DMBT1: variants seen among roughly 807,000 people sequenced by gnomAD.
The protein encoded by DMBT1 is deleted in malignant brain tumors 1, also known as scavenger receptor cysteine-rich domain-containing protein DMBT1.
Under a neutral mutation model 252.9 loss-of-function variants are expected in DMBT1, and 198 were observed. The ratio of observed to expected loss-of-function variants is 0.78; its 90% confidence interval spans 0.70 to 0.88. DMBT1 has a LOEUF of 0.88. Among genes scored for constraint, DMBT1 ranks in the 40% least tolerant of loss-of-function variants. The pLI is 0.00. For missense variants in DMBT1, 2,432 were observed against 2,404.7 expected (o/e 1.01, Z -0.24); for synonymous variants, 990 against 942.7 (o/e 1.05, Z -0.92).
At chr10:122,620,955 C>T (rs2098061205) in intron 43 of DMBT1, 102 bp from the exon 44 acceptor site, 7 of 1,565,256 alleles carry the variant, frequency 4.5e-6, no homozygotes, top group Non-Finnish European at 6.1e-6. Flanking sequence ...ATTACCTGCA[C>T]ACGTGACTTT....
At chr10:122,592,682 A>G in intron 20 of DMBT1, 87 bp downstream of exon 20, 1 of 1,558,360 alleles carries the variant, frequency 6.4e-7, no homozygotes, top group Non-Finnish European at 8.7e-7. Context: ...CTCCTCACTC[A>G]AAGATTCTTC....
Position 122,643,457 on chromosome 10 carries a change from G to A in DMBT1, c.*59G>A, listed in dbSNP as rs1393811692. 31 of 1,542,540 alleles carry A rather than the reference G, an allele frequency of 2.0e-5. No homozygotes were observed. The South Asian group carries it at 3.5e-4, about 17-fold the overall frequency. ...CGCAGACCCCTGACTCGGGGACTTGGGATGTTCCTCTTGGTGTCATATTCC... is the reference window on the plus strand; with the variant it reads ...CGCAGACCCCTGACTCGGGGACTTGAGATGTTCCTCTTGGTGTCATATTCC... On this transcript the variant is annotated 3_prime_UTR_variant, in exon 56 of 56. Transcript: ENST00000338354.
chr10:122,625,399 G>C (rs529866994), intron 45 of DMBT1, 96 bp downstream of exon 45: 110 of 1,197,204 alleles, frequency 9.2e-5, no homozygotes, highest in Middle Eastern at 3.8e-4. Context: ...ACTCCCCCTG[G>C]GGGGGTAATT....
At position 122,630,941 on chromosome 10, in the gene DMBT1, T is replaced by C. The variant is rs767874700; in HGVS notation, c.6026-20T>C. On this transcript the variant is annotated intron_variant, in intron 48 of 55. Transcript: ENST00000338354. ...TGTTGTGGGACATGGCCATGATCTC[T>C]CAGTTAATGTGTCTTTCAGATGCCA... 3 of 1,576,346 alleles carry C rather than the reference T, an allele frequency of 1.9e-6. No homozygotes were observed. Among genetic ancestry groups the C allele is most frequent in the Non-Finnish European group, 2.6e-6 (3 of 1,156,250 alleles).
intron 15 of DMBT1, among the ~76,000 whole-genome samples, chr10:122,585,823 C>G (rs137864586): frequency 6.7e-6 from 1 of 148,650 alleles, no homozygotes; most frequent in African/African-American, 2.4e-5. Flanking sequence ...ATGGGGTTTC[C>G]GTTCCTGTTA....
intron 46 of DMBT1, among the ~76,000 whole-genome samples, chr10:122,629,432 A>G (rs1048588848): frequency 4.6e-5 from 7 of 152,220 alleles, no homozygotes; most frequent in Non-Finnish European, 2.9e-5. Flanking sequence ...CTCATGGAAG[A>G]CGCTAGGGAA....
chr10:122,562,893 G>T (rs1002083638), intron 1 of DMBT1, among the ~76,000 whole-genome samples: 2 of 152,224 alleles, frequency 1.3e-5, no homozygotes, highest in Non-Finnish European at 2.9e-5. Context: ...GCTCAGAAAG[G>T]TTATTGGCTT....
chr10:122,596,952 G>T (rs1412570889), intron 23 of DMBT1, 73 bp from the exon 24 acceptor site: 49 of 411,182 alleles, frequency 1.2e-4, no homozygotes, highest in Non-Finnish European at 1.9e-4. Context: ...GATCTGTTTA[G>T]TTCCTTCCAC....
At chr10:122,620,086 G>A (rs1169152902) in intron 42 of DMBT1, among the ~76,000 whole-genome samples, 167 bp from the exon 43 acceptor site, 1 of 152,206 alleles carries the variant, frequency 6.6e-6, no homozygotes, top group Non-Finnish European at 1.5e-5. Context: ...CAAGGCCTTT[G>A]TTCCTGGCTG....
intron 45 of DMBT1, 125 bp downstream of exon 45, chr10:122,625,428 T>C: frequency 1.1e-6 from 1 of 935,358 alleles, no homozygotes; most frequent in South Asian, 1.4e-5. Flanking sequence ...AGGACTCTGA[T>C]CTTTGTTAGG....
intron 50 of DMBT1, among the ~76,000 whole-genome samples, chr10:122,632,248 C>T (rs1197021679): frequency 2.0e-5 from 3 of 151,934 alleles, no homozygotes; most frequent in African/African-American, 4.8e-5. Flanking sequence ...TGGCACCTCT[C>T]CAACACCCCC....
intron 52 of DMBT1, among the ~76,000 whole-genome samples, chr10:122,634,404 T>TTTC (rs2098198576): frequency 8.2e-6 from 1 of 121,578 alleles, no homozygotes; most frequent in Non-Finnish European, 1.7e-5. Context: ...TTCTTTCTTT[T>TTTC]CTTTCTTTCT....
At chr10:122,592,098 G>T (rs2097853904) in intron 19 of DMBT1, among the ~76,000 whole-genome samples, 174 bp from the exon 20 acceptor site, 2 of 148,346 alleles carry the variant, frequency 1.3e-5, no homozygotes, top group Admixed American at 6.7e-5. Context: ...GGCAGAATAG[G>T]GTATCACCTC....
At chr10:122,632,712 A>G (rs41308689) in intron 50 of DMBT1, 149 bp from the exon 51 acceptor site, 65,220 of 948,790 alleles carry the variant, frequency 0.069, 2,736 homozygotes, top group South Asian at 0.15. Flanking sequence ...ACCTCCCCAA[A>G]GGCAAGTGAG....
intron 18 of DMBT1, 27 bp from the exon 19 acceptor site, chr10:122,591,452 A>G: frequency 6.3e-7 from 1 of 1,580,708 alleles, no homozygotes; most frequent in Non-Finnish European, 8.6e-7. Context: ...CTTTAATTCT[A>G]GCCTTTGTCT....
intron 54 of DMBT1, among the ~76,000 whole-genome samples, chr10:122,639,056 T>C (rs923913505): frequency 3.3e-4 from 51 of 152,360 alleles, no homozygotes; most frequent in African/African-American, 1.1e-3. Flanking sequence ...GTGCCATCCA[T>C]GGCTGGAGCT....
In DMBT1 at chr10:122,576,676, C is replaced by T. The variant is rs748806446; in HGVS notation, c.561C>T (p.Leu187=). Residue 187 remains leucine, a synonymous_variant, in exon 7 of 56, where the codon CTC becomes CTT. Coordinates refer to ENST00000338354, the MANE Select transcript of DMBT1 (RefSeq NM_001377530.1). Reference sequence around the variant, plus strand: ...GGAGCTGCCCCCACAATGGCTGGCTCTCCCATAACTGTGGCCATGGTGAAG... The same window carrying T: ...GGAGCTGCCCCCACAATGGCTGGCTTTCCCATAACTGTGGCCATGGTGAAG... ...YLWSCPHNGW[L]SHNCGHGEDA... is the part of the protein sequence containing the mutation. The T allele has an allele frequency of 1.2e-6, 2 of 1,613,782 alleles. No individual in the cohort carries two copies. The highest frequency in any genetic ancestry group is 1.7e-5 in the Admixed American group (1 of 60,024).
intron 7 of DMBT1, 67 bp from the exon 8 acceptor site, chr10:122,577,739 GTCACT>G: frequency 6.3e-7 from 1 of 1,581,786 alleles, no homozygotes; most frequent in South Asian, 1.1e-5. Flanking sequence ...GATACCCCAA[GTCACT>G]TCAGCCTTAA....
In DMBT1 at chr10:122,580,907, G is replaced by C. The variant is rs1306282218; in HGVS notation, c.1033+12G>C. The C allele has an allele frequency of 1.2e-6, 2 of 1,613,606 alleles. No individual in the cohort carries two copies. Among genetic ancestry groups the C allele is most frequent in the Non-Finnish European group, 1.7e-6 (2 of 1,179,850 alleles). ...GACACCCAGCCCAGGTAGGTCCCCA[G>C]TGTCCTTCCTCAAAATGTCCCTTCT... On this transcript the variant is annotated intron_variant, in intron 11 of 55. Transcript: ENST00000338354.
Sources: allele counts gnomAD v4.1 joint callset (sites outside exome capture counted in the v4.1 genomes callset), GRCh38; gene constraint gnomAD v4.1.1; transcripts MANE v1.5; gene names NCBI Gene and HGNC (gene_info 2026-07-23, HGNC 2026-07-21).